The following DAAM2 variants were observed in gnomAD, a reference collection of about 807,000 sequenced individuals.
DAAM2 encodes disheveled-associated activator of morphogenesis 2.
A neutral mutation model predicts 120.7 loss-of-function variants in DAAM2; 39 were observed. The ratio of observed to expected loss-of-function variants is 0.32; its 90% CI spans 0.25 to 0.42. The LOEUF is 0.42. DAAM2 is among the 10% of genes least tolerant of loss of function. DAAM2 has a pLI of 1.00. For missense variants in DAAM2, 1,283 were observed against 1,401.7 expected (o/e 0.92, Z 1.35); for synonymous variants, 488 against 524.9 (o/e 0.93, Z 0.96).
intron 1 of DAAM2, chr6:39,818,621 C>A (rs561534808): frequency 1.3e-5 from 2 of 152,150 alleles, no homozygotes; most frequent in African/African-American, 4.8e-5. Context: ...TACTGAACAT[C>A]GTCCTGTTAT....
intron 10 of DAAM2, among the ~76,000 whole-genome samples, chr6:39,874,803 A>T (rs1225063404): frequency 6.6e-6 from 1 of 152,218 alleles, no homozygotes; most frequent in East Asian, 1.9e-4. Context: ...GGTCACTTCC[A>T]CAAGAAATTT....
At chr6:39,884,337 G>A (rs1765273823) in intron 15 of DAAM2, 1 of 363,646 alleles carries the variant, frequency 2.7e-6, no homozygotes, top group Admixed American at 4.0e-5. Context: ...TTGTATTATG[G>A]TTCATATTTA....
At chr6:39,844,310 G>T (rs761925111) in intron 1 of DAAM2, among the ~76,000 whole-genome samples, 28 of 152,086 alleles carry the variant, frequency 1.8e-4, no homozygotes, top group Non-Finnish European at 2.6e-4. Flanking sequence ...GAGGTGGGGG[G>T]TTGAGGGGAG....
intron 1 of DAAM2, chr6:39,821,783 C>T (rs1198532363): frequency 3.9e-5 from 6 of 152,284 alleles, no homozygotes; most frequent in Admixed American, 6.5e-5. Context: ...TTGGGAAAAA[C>T]AAAGTGTGGT....
chr6:39,884,132 T>A (rs1015617538), intron 15 of DAAM2, 63 bp downstream of exon 15: 2 of 853,654 alleles, frequency 2.3e-6, no homozygotes, highest in African/African-American at 1.7e-5. Flanking sequence ...CAGCTTCTCC[T>A]TTTCTTTCTG....
At chr6:39,864,745 G>A (rs1764355230) in intron 4 of DAAM2, among the ~76,000 whole-genome samples, 1 of 152,078 alleles carries the variant, frequency 6.6e-6, no homozygotes, top group Non-Finnish European at 1.5e-5. Flanking sequence ...AATCCATTTG[G>A]GCATCACACA....
At chr6:39,883,780 CT>C (rs1765244504) in intron 14 of DAAM2, 181 bp from the exon 15 acceptor site, 1 of 585,522 alleles carries the variant, frequency 1.7e-6, no homozygotes. Flanking sequence ...GGCCTCTACC[CT>C]GGAGCAGAGT....
chr6:39,870,765 G>A (rs1764628217), intron 8 of DAAM2, among the ~76,000 whole-genome samples: 1 of 152,200 alleles, frequency 6.6e-6, no homozygotes, highest in African/African-American at 2.4e-5. Context: ...ACTGGTATTG[G>A]TTGTTGGGGG....
chr6:39,795,996 G>A (rs893573392), intron 1 of DAAM2, among the ~76,000 whole-genome samples: 3 of 152,172 alleles, frequency 2.0e-5, no homozygotes, highest in Non-Finnish European at 4.4e-5. Flanking sequence ...GAGTCAGAGA[G>A]CGGGTAGGCA....
chr6:39,901,975 C>T lies in DAAM2; in HGVS notation c.3145C>T (p.Arg1049Ter), dbSNP rs759817118. ...ATGCAAGCTCAAGCGCAGCCGCAAG[C>T]GATCAGGGAGCCAGGCCCTGGAAGT... ...DLCKLKRSRK[R>*]SGSQALEVTR... The change falls in exon 25 of 25, where the codon CGA becomes TGA. Residue 1049 changes from arginine to a stop codon, truncating the protein, a stop_gained. Transcript: ENST00000274867. LOFTEE classifies it high-confidence loss of function. The surrounding 1 kb of genome is among the most constrained non-coding windows in gnomAD (Gnocchi z 4.5). 14 of 1,611,894 alleles carry T rather than the reference C, an allele frequency of 8.7e-6. No individual in the cohort carries two copies. The highest frequency in any genetic ancestry group is 2.2e-5 in the East Asian group (1 of 44,816).
intron 9 of DAAM2, 68 bp from the exon 10 acceptor site, chr6:39,873,170 G>A (rs1764730638): frequency 1.4e-5 from 14 of 1,005,914 alleles, no homozygotes; most frequent in Non-Finnish European, 2.0e-5. Context: ...ATGGAAGCAG[G>A]GTCTTCTCTC....
At chr6:39,804,993 G>A (rs116094677) in intron 1 of DAAM2, among the ~76,000 whole-genome samples, 44 of 152,252 alleles carry the variant, frequency 2.9e-4, no homozygotes, top group African/African-American at 1.1e-3. Context: ...CTGCATATGA[G>A]CCAAACCCCT....
intron 1 of DAAM2, among the ~76,000 whole-genome samples, chr6:39,846,512 T>A (rs1763595750): frequency 6.6e-6 from 1 of 152,168 alleles, no homozygotes; most frequent in Admixed American, 6.5e-5. Flanking sequence ...TATGTTGGAC[T>A]TCTGTTCTTG....
At chr6:39,837,827 CAG>C (rs1763169524) in intron 1 of DAAM2, among the ~76,000 whole-genome samples, 1 of 152,064 alleles carries the variant, frequency 6.6e-6, no homozygotes, top group South Asian at 2.1e-4. Flanking sequence ...ATATATTTTA[CAG>C]AGTTATTGCT....
At chr6:39,834,901 A>C (rs1763048545) in intron 1 of DAAM2, among the ~76,000 whole-genome samples, 1 of 152,108 alleles carries the variant, frequency 6.6e-6, no homozygotes, top group African/African-American at 2.4e-5. Context: ...TTTCAGACTC[A>C]TTTTCCCTTA....
chr6:39,820,609 T>C (rs1251375350), intron 1 of DAAM2: 1 of 152,158 alleles, frequency 6.6e-6, no homozygotes, highest in Non-Finnish European at 1.5e-5. Context: ...TATTTTAGAA[T>C]GTGGAAAATA....
intron 7 of DAAM2, among the ~76,000 whole-genome samples, chr6:39,870,008 C>A (rs544900111): frequency 6.6e-6 from 1 of 152,170 alleles, no homozygotes; most frequent in East Asian, 1.9e-4. Flanking sequence ...TTCCCAAGGT[C>A]ACAAAACCAG....
rs748334473 is a variant in DAAM2 at position 39,884,044 on chromosome 6, T to A, written c.1928T>A (p.Met643Lys). Residue 643 changes from methionine (M) to lysine (K), a missense_variant, in exon 15 of 25, where the codon ATG (methionine) becomes AAG (lysine). Met to Lys is a moderately conservative substitution (Grantham distance 95). Around this residue, in one of 3 missense-constraint regions of DAAM2, gnomAD observed 748 missense variants for 768.6 expected, o/e 0.97. Transcript: ENST00000274867. ...RILDLEDFEK[M>K]FSAYQRHQKE... ...CTGGACCTAGAGGATTTTGAAAAGA[T>A]GTTTTCAGCCTACCAGAGGCACCAG... 1 of 1,609,060 alleles carries A rather than the reference T, an allele frequency of 6.2e-7. No individual in the cohort carries two copies. The highest frequency in any genetic ancestry group is 8.5e-7 in the Non-Finnish European group (1 of 1,176,514).
chr6:39,900,270 C>G, intron 23 of DAAM2, 62 bp downstream of exon 23: 9 of 1,569,332 alleles, frequency 5.7e-6, no homozygotes, highest in Non-Finnish European at 6.9e-6. Flanking sequence ...GCTCCTTCAC[C>G]CATTCCTACC....
Sources: gnomAD v4.1 joint callset for allele counts (sites outside exome capture counted in the v4.1 genomes callset) on GRCh38, gnomAD v4.1.1 for gene constraint, gnomAD v4.1.1 regional missense constraint, Gnocchi (gnomAD v3.1) non-coding constraint, MANE v1.5 for transcripts, NCBI Gene and HGNC (gene_info 2026-07-23, HGNC 2026-07-21) for gene names.